The following ALS2 variants were observed in gnomAD, a reference collection of about 807,000 sequenced individuals.
ALS2 encodes alsin Rho guanine nucleotide exchange factor ALS2, also known as alsin.
A neutral mutation model predicts 203.4 loss-of-function variants in ALS2; 117 were observed. That is an observed-to-expected ratio of 0.58 (90% CI 0.50 to 0.67). The LOEUF (loss-of-function observed/expected upper bound fraction) is 0.67. ALS2 is among the 30% of genes least tolerant of loss of function. The pLI is 0.00. For missense variants in ALS2, 1,715 were observed against 1,989.4 expected (o/e 0.86, Z 2.62); for synonymous variants, 718 against 725.9 (o/e 0.99, Z 0.17).
At position 201,728,692 on chromosome 2, in the gene ALS2, C is replaced by G. The variant is rs748928354; in HGVS notation, c.2713-52G>C. 1.3e-5 allele frequency: 21 copies of G among 1,586,818 alleles called. No individual in the cohort carries two copies. The South Asian group carries it at 2.3e-4, about 18-fold the overall frequency. ...AGTCAAACAATCAAAATTATTTTAACATGTAAAGAGAAAATAAAACAGACA... is the reference window on the plus strand; with the variant it reads ...AGTCAAACAATCAAAATTATTTTAAGATGTAAAGAGAAAATAAAACAGACA... On this transcript the variant is annotated intron_variant, in intron 14 of 33. Transcript: ENST00000264276.
At chr2:201,753,324 C>G in intron 6 of ALS2, 82 bp from the exon 7 acceptor site, 1 of 1,125,242 alleles carries the variant, frequency 8.9e-7, no homozygotes, top group East Asian at 2.4e-5. Flanking sequence ...AAAGTGCTGT[C>G]GTGTAAAAAT....
chr2:201,750,165 T>TC (rs1329546072), intron 7 of ALS2, among the ~76,000 whole-genome samples: 5 of 130,748 alleles, frequency 3.8e-5, no homozygotes, highest in African/African-American at 8.8e-5. Context: ...AAAGTCGGTA[T>TC]CCCAAAAAAA....
chr2:201,769,058 CA>C, intron 1 of ALS2, 113 bp from the exon 2 acceptor site: 1 of 568,104 alleles, frequency 1.8e-6, no homozygotes, highest in Non-Finnish European at 3.1e-6. Context: ...AATAAATATG[CA>C]GTAAAACTAT....
chr2:201,756,798 T>G (rs568547426), intron 5 of ALS2, among the ~76,000 whole-genome samples: 1 of 152,300 alleles, frequency 6.6e-6, no homozygotes, highest in African/African-American at 2.4e-5. Context: ...CTCTAATGCA[T>G]GTTTTGATTC....
Position 201,746,728 on chromosome 2 carries a change from G to C in ALS2, c.1836C>G (p.Val612=). The C allele has an allele frequency of 1.2e-6, 2 of 1,614,154 alleles. No homozygotes were observed. The highest frequency in any genetic ancestry group is 1.7e-6 in the Non-Finnish European group (2 of 1,180,040). The part of the protein sequence containing the change: ...RLAKISSENG[V]WSIAAGRDYS... ...AATCCCTGCCTGCAGCTATGCTCCAGACTCCATTTTCACTGCTTATCTGCA... is the reference window on the plus strand; with the variant it reads ...AATCCCTGCCTGCAGCTATGCTCCACACTCCATTTTCACTGCTTATCTGCA... Residue 612 remains valine, a synonymous_variant, in exon 9 of 34, where the codon GTC becomes GTG. Coordinates refer to ENST00000264276, the MANE Select transcript of ALS2 (RefSeq NM_020919.4).
In ALS2 at chr2:201,711,184, A is replaced by G. The variant is rs2882231; in HGVS notation, c.4005-76T>C. The G allele has an allele frequency of 0.64, 583,749 of 910,036 alleles. 192,552 individuals are homozygous for G. The highest frequency in any genetic ancestry group is 0.7 in the Admixed American group (41,023 of 58,468). 56.4% of individuals were successfully genotyped at this position (910,036 alleles called of 1,614,324 possible). A position where few individuals can be genotyped will look rare whatever the true frequency, so the allele number is the denominator to read the frequency against. Reference sequence around the variant, plus strand: ...ATACGTGTAAATACTCACATGAAACACAATCACTAGCTCCAGTCAAAGTGG... The same window carrying G: ...ATACGTGTAAATACTCACATGAAACGCAATCACTAGCTCCAGTCAAAGTGG... On this transcript the variant is annotated intron_variant, in intron 25 of 33. Transcript: ENST00000264276.
At chr2:201,712,805 G>C (rs1301334494) in intron 25 of ALS2, among the ~76,000 whole-genome samples, 3 of 151,712 alleles carry the variant, frequency 2.0e-5, no homozygotes, top group African/African-American at 7.3e-5. Flanking sequence ...AGGAGAAAAA[G>C]AGAGAAATGA....
intron 3 of ALS2, 99 bp from the exon 4 acceptor site, chr2:201,761,917 T>G: frequency 3.1e-6 from 4 of 1,302,778 alleles, no homozygotes; most frequent in Non-Finnish European, 4.3e-6. Context: ...TTTAACCAAA[T>G]TGGATTTTCT....
At chr2:201,714,371 T>C (rs1271021817) in intron 25 of ALS2, among the ~76,000 whole-genome samples, 1 of 152,196 alleles carries the variant, frequency 6.6e-6, no homozygotes, top group East Asian at 1.9e-4. Flanking sequence ...TCTAGTGGGC[T>C]TCCCTGGGCA....
chr2:201,746,214 AT>A (rs1692633711), intron 9 of ALS2, among the ~76,000 whole-genome samples: 1 of 152,228 alleles, frequency 6.6e-6, no homozygotes, highest in Non-Finnish European at 1.5e-5. Flanking sequence ...TTCAACAAAC[AT>A]TTATAAAGTA....
chr2:201,735,893 C>T (rs905583102), intron 12 of ALS2, among the ~76,000 whole-genome samples: 5 of 152,172 alleles, frequency 3.3e-5, no homozygotes, highest in African/African-American at 1.2e-4. Context: ...TGTAATTAAA[C>T]TTGCTTTTCT....
At chr2:201,741,561 T>C (rs1266200941) in intron 11 of ALS2, 113 bp downstream of exon 11, 1 of 1,165,642 alleles carries the variant, frequency 8.6e-7, no homozygotes, top group Non-Finnish European at 1.3e-6. Context: ...TGCTTTGCAA[T>C]TTCTATTACC....
intron 4 of ALS2, chr2:201,760,640 T>A: frequency 7.6e-7 from 1 of 1,315,606 alleles, no homozygotes; most frequent in Non-Finnish European, 9.6e-7. Flanking sequence ...ATGCTCCTAC[T>A]TATAAAACAA....
chr2:201,763,722 A>C (rs1400790860), intron 3 of ALS2: 4 of 154,682 alleles, frequency 2.6e-5, no homozygotes, highest in Non-Finnish European at 5.7e-5. Flanking sequence ...GGCACCAGTG[A>C]GTTGGGTATA....
chr2:201,728,969 T>A (rs1259700876), intron 14 of ALS2, 83 bp downstream of exon 14: 1 of 1,604,400 alleles, frequency 6.2e-7, no homozygotes, highest in Non-Finnish European at 8.5e-7. Context: ...CACAAACAAG[T>A]GAGGAACAGA....
intron 27 of ALS2, among the ~76,000 whole-genome samples, chr2:201,708,490 C>A (rs1689858664): frequency 6.6e-6 from 1 of 152,096 alleles, no homozygotes; most frequent in African/African-American, 2.4e-5. Flanking sequence ...TCTGGTGTAC[C>A]CATCACCTGA....
intron 3 of ALS2, among the ~76,000 whole-genome samples, chr2:201,764,475 C>CAA (rs10630810): frequency 0.17 from 24,424 of 144,168 alleles, 2,324 homozygotes; most frequent in East Asian, 0.4. Context: ...ACTAAAAATA[C>CAA]AAAAAAAAAA....
intron 2 of ALS2, among the ~76,000 whole-genome samples, chr2:201,768,636 C>T (rs535043244): frequency 4.0e-4 from 61 of 152,276 alleles, no homozygotes; most frequent in African/African-American, 1.4e-3. Context: ...GGAAAAATGG[C>T]TACAAGCACT....
At chr2:201,741,461 A>T in intron 11 of ALS2, 1 of 547,994 alleles carries the variant, frequency 1.8e-6, no homozygotes, top group Non-Finnish European at 3.3e-6. Context: ...AGAAGAAAAC[A>T]TGATAATTCA....
Sources: gnomAD v4.1 joint callset for allele counts (sites outside exome capture counted in the v4.1 genomes callset) on GRCh38, gnomAD v4.1.1 for gene constraint, MANE v1.5 for transcripts, NCBI Gene and HGNC (gene_info 2026-07-23, HGNC 2026-07-21) for gene names.